BBX: variants seen among roughly 807,000 people sequenced by gnomAD.
The protein encoded by BBX is BBX high mobility group box domain containing.
BBX carries 30 observed loss-of-function variants against 100.2 expected under a neutral mutation model. The observed-to-expected ratio is 0.30, with a 90% CI of 0.22 to 0.41. The LOEUF is 0.41. Ranked by LOEUF, BBX falls within the 10% of genes least tolerant of loss-of-function variation. The pLI is 1.00. For synonymous variants in BBX, 376 were observed against 388.1 expected, an observed-to-expected ratio of 0.97 and a Z score of 0.37; for missense variants, 1,023 against 1,129.8, an observed-to-expected ratio of 0.91 and a Z score of 1.35.
At chr3:107,528,140 G>A (rs1173832998) in intron 2 of BBX, among the ~76,000 whole-genome samples, 1 of 152,160 alleles carries the variant, frequency 6.6e-6, no homozygotes, top group East Asian at 1.9e-4. Flanking sequence ...TCTTGTAATA[G>A]TGATCTAAAA....
At position 107,760,733 on chromosome 3, in the gene BBX, A is replaced by G. The variant is rs144758914; in HGVS notation, c.906+5055A>G. ...GGGAAAAAACTGATGATGGTTTTCAATCAAGGAGTTACTTAGGAACCACTA... is the reference window on the plus strand; with the variant it reads ...GGGAAAAAACTGATGATGGTTTTCAGTCAAGGAGTTACTTAGGAACCACTA... On this transcript the variant is annotated intron_variant, in intron 10 of 17. Transcript: ENST00000325805. 4.4e-3 allele frequency among the ~76,000 whole-genome samples: 677 copies of G among 152,220 alleles called. 23 individuals carry two copies. The highest frequency in any genetic ancestry group is 0.038 in the Admixed American group (576 of 15,284).
rs3833481 is a variant in BBX, at chr3:107,523,218, A to AGCG, written c.-156+138_-156+140dup. The AGCG allele has an allele frequency of 9.8e-3, 2,130 of 217,896 alleles. 38 individuals carry two copies. Among genetic ancestry groups the AGCG allele is most frequent in the African/African-American group, 0.038 (1,594 of 42,088 alleles). The allele number at this position is 217,896 out of a possible 1,614,324, so 13.5% of individuals were successfully genotyped here. A position where few individuals can be genotyped will look rare whatever the true frequency, so the allele number is the denominator to read the frequency against. On this transcript the variant is annotated intron_variant, in intron 1 of 17. Transcript: ENST00000325805. ...GCCCCAAGGACTCCGCGGCAGGAGC[A>AGCG]GCGGCGGCGGCGGCGGCGGCGGCGG...
intron 2 of BBX, among the ~76,000 whole-genome samples, chr3:107,574,026 A>G (rs901946534): frequency 6.6e-6 from 1 of 152,206 alleles, no homozygotes; most frequent in African/African-American, 2.4e-5. Context: ...CTCCCAGCAA[A>G]TCTTTTTCTT....
chr3:107,769,224 AGATAGACAGATAGATAG>A (rs1295778262), intron 10 of BBX, among the ~76,000 whole-genome samples: 1 of 120,992 alleles, frequency 8.3e-6, no homozygotes, highest in Admixed American at 8.4e-5. Context: ...ATAGATAGAT[AGATAGACAGATAGATAG>A]GATAGATAGA....
chr3:107,645,235 A>T (rs2057447078), intron 2 of BBX, among the ~76,000 whole-genome samples: 1 of 152,202 alleles, frequency 6.6e-6, no homozygotes, highest in East Asian at 1.9e-4. Context: ...TATTCCATTT[A>T]ATTTACATGT....
At chr3:107,584,414 T>G (rs1253220173) in intron 2 of BBX, among the ~76,000 whole-genome samples, 1 of 149,480 alleles carries the variant, frequency 6.7e-6, no homozygotes, top group Non-Finnish European at 1.5e-5. Context: ...TCAATTTAGT[T>G]TGTGAAATTT....
rs2049535336 is a variant in BBX at position 107,549,903 on chromosome 3, G to A, written c.-84+23505G>A. On this transcript the variant is annotated intron_variant, in intron 2 of 17. Coordinates refer to ENST00000325805, the MANE Select transcript of BBX (RefSeq NM_001142568.3). ...TTTTTTTTTTAATACTGAATGGAAG[G>A]AAAGGTGCATTTAAATTTTAAAATA... Among the ~76,000 whole-genome samples the A allele has an allele frequency of 1.3e-5, 2 of 148,820 alleles. 1 individual carries two copies. Among genetic ancestry groups the A allele is most frequent in the South Asian group, 4.2e-4 (2 of 4,720 alleles).
At chr3:107,631,697 A>G (rs2056556993) in intron 2 of BBX, among the ~76,000 whole-genome samples, 1 of 152,172 alleles carries the variant, frequency 6.6e-6, no homozygotes, top group Non-Finnish European at 1.5e-5. Flanking sequence ...TGGATTATTT[A>G]TGACAACCTG....
At chr3:107,729,739 A>G (rs1560055464) in intron 6 of BBX, among the ~76,000 whole-genome samples, 1 of 152,138 alleles carries the variant, frequency 6.6e-6, no homozygotes, top group Non-Finnish European at 1.5e-5. Flanking sequence ...TTGGTATTAG[A>G]AGCAAATTTT....
chr3:107,584,968 C>T lies in BBX; in HGVS notation c.-84+58570C>T, dbSNP rs148067652. Among the ~76,000 whole-genome samples the T allele has an allele frequency of 9.2e-3, 1,399 of 152,052 alleles. 23 individuals carry two copies. The highest frequency in any genetic ancestry group is 0.032 in the African/African-American group (1,328 of 41,472). ...AAGTGATTACAGGTGTGAGCCACCA[C>T]CCCCGGCCTCAGTTGAAATCTTAAT... On this transcript the variant is annotated intron_variant, in intron 2 of 17. Transcript: ENST00000325805.
chr3:107,780,207 T>A (rs1206977668), intron 13 of BBX, among the ~76,000 whole-genome samples: 1 of 152,064 alleles, frequency 6.6e-6, no homozygotes, highest in Non-Finnish European at 1.5e-5. Context: ...CCATAATTCT[T>A]GGATTTAAAG....
chr3:107,707,435 G>A (rs376971241), intron 3 of BBX, among the ~76,000 whole-genome samples: 279 of 150,594 alleles, frequency 1.9e-3, no homozygotes, highest in African/African-American at 6.7e-3. Context: ...TTGTGTCATT[G>A]TTTGTGACAA....
At chr3:107,575,657 A>AT (rs36057521) in intron 2 of BBX, among the ~76,000 whole-genome samples, 15,708 of 150,852 alleles carry the variant, frequency 0.1, 916 homozygotes, top group Non-Finnish European at 0.12. Context: ...CCATGGCTGA[A>AT]TTTTTTTTTT....
At chr3:107,776,278 A>C (rs1038577649) in intron 12 of BBX, 4 of 152,108 alleles carry the variant, frequency 2.6e-5, no homozygotes, top group East Asian at 1.9e-4. Context: ...TGTAAGAGAG[A>C]TTTTCATCAA....
At chr3:107,730,086 C>T (rs916511601) in intron 6 of BBX, among the ~76,000 whole-genome samples, 4 of 151,954 alleles carry the variant, frequency 2.6e-5, no homozygotes, top group African/African-American at 9.7e-5. Flanking sequence ...CACCCTGCCT[C>T]TAAAAAATGA....
chr3:107,568,928 A>G (rs1048881322), intron 2 of BBX, among the ~76,000 whole-genome samples: 7 of 152,232 alleles, frequency 4.6e-5, no homozygotes, highest in East Asian at 3.9e-4. Flanking sequence ...ATAGATTCCA[A>G]CAATCACACA....
chr3:107,687,847 G>A (rs1216168973), intron 3 of BBX, among the ~76,000 whole-genome samples: 1 of 152,148 alleles, frequency 6.6e-6, no homozygotes, highest in Non-Finnish European at 1.5e-5. Flanking sequence ...CTGAGGTCAG[G>A]AGTTCGAGAC....
At chr3:107,596,231 A>G (rs973892458) in intron 2 of BBX, among the ~76,000 whole-genome samples, 10 of 152,030 alleles carry the variant, frequency 6.6e-5, no homozygotes, top group Non-Finnish European at 1.5e-4. Context: ...TTCCATGCCT[A>G]CTGCAGTTAG....
intron 2 of BBX, among the ~76,000 whole-genome samples, chr3:107,622,996 A>G (rs2055893489): frequency 6.6e-6 from 1 of 152,134 alleles, no homozygotes; most frequent in Non-Finnish European, 1.5e-5. Context: ...GTAGTTCAGC[A>G]CTCAGTGTCT....
Sources: allele counts gnomAD v4.1 joint callset (sites outside exome capture counted in the v4.1 genomes callset), GRCh38; gene constraint gnomAD v4.1.1; transcripts MANE v1.5; gene names NCBI Gene and HGNC (gene_info 2026-07-23, HGNC 2026-07-21).